Variants in NSMCE2 observed in about 807,000 individuals in gnomAD.
The protein encoded by NSMCE2 is NSE2 SUMO ligase component of SMC5/6 complex.
Under a neutral mutation model 23.8 loss-of-function variants are expected in NSMCE2, and 24 were observed. The ratio of observed to expected loss-of-function variants is 1.01; its 90% CI spans 0.73 to 1.42. The LOEUF is 1.42. NSMCE2 is among the 40% of genes most tolerant of loss of function. The pLI is 0.00. For missense variants in NSMCE2, 284 were observed against 296.5 expected (o/e 0.96, Z 0.31); for synonymous variants, 92 against 94.1 (o/e 0.98, Z 0.13).
intron 4 of NSMCE2, among the ~76,000 whole-genome samples, chr8:125,167,578 T>A (rs1239669995): frequency 6.6e-6 from 1 of 151,604 alleles, no homozygotes; most frequent in Admixed American, 6.6e-5. Flanking sequence ...TAGGTTGCAG[T>A]GAGCTGAGAT....
intron 5 of NSMCE2, among the ~76,000 whole-genome samples, chr8:125,196,364 C>A (rs1823619403): frequency 6.6e-6 from 1 of 152,092 alleles, no homozygotes; most frequent in Admixed American, 6.5e-5. Context: ...CACCCCTACT[C>A]CCTGACAAGC....
At chr8:125,102,212 T>TATTGGATAC (rs1162905417) in intron 2 of NSMCE2, 66 bp downstream of exon 2, 1 of 773,364 alleles carries the variant, frequency 1.3e-6, no homozygotes. Context: ...ATTTATGAGA[T>TATTGGATAC]ATTGGATACA....
chr8:125,105,162 G>A lies in NSMCE2; in HGVS notation c.157+2675G>A, dbSNP rs910185100. ...CCACAGCTATTGTTTCATATATTTT[G>A]TTTAGTTTTTCAGTCATTCATGGCA... On this transcript the variant is annotated intron_variant, in intron 3 of 7. Coordinates refer to ENST00000287437, the MANE Select transcript of NSMCE2 (RefSeq NM_173685.4). Among the ~76,000 whole-genome samples, 3 of 152,128 alleles carry A rather than the reference G, an allele frequency of 2.0e-5. No homozygotes were observed. In the East Asian group the frequency reaches 5.8e-4, roughly 29 times the overall value.
intron 4 of NSMCE2, among the ~76,000 whole-genome samples, chr8:125,164,489 T>C (rs1325808225): frequency 1.3e-5 from 2 of 152,228 alleles, no homozygotes; most frequent in Non-Finnish European, 2.9e-5. Context: ...TATTGTAAAT[T>C]TTCCAAAGGT....
intron 5 of NSMCE2, among the ~76,000 whole-genome samples, chr8:125,268,068 TAA>T (rs759319628): frequency 7.3e-5 from 10 of 136,454 alleles, no homozygotes; most frequent in Non-Finnish European, 1.1e-4. Flanking sequence ...CATCTCTATT[TAA>T]AAAAAAAAAA....
chr8:125,170,376 C>CTTTTTTTTTTTTTT lies in NSMCE2; in HGVS notation c.265-11701_265-11688dup, dbSNP rs565593006. ...CATCAATAAACCTTACTCTTTATTT[C>CTTTTTTTTTTTTTT]TTTTTTTTTTTTTTTTTTTTTTTTT... On this transcript the variant is annotated intron_variant, in intron 4 of 7. Coordinates refer to ENST00000287437, the MANE Select transcript of NSMCE2 (RefSeq NM_173685.4). Among the ~76,000 whole-genome samples the CTTTTTTTTTTTTTT allele has an allele frequency of 5.8e-4, 22 of 37,864 alleles. 6 individuals carry two copies. Among genetic ancestry groups the CTTTTTTTTTTTTTT allele is most frequent in the African/African-American group, 1.0e-3 (12 of 11,902 alleles). 24.8% of individuals were successfully genotyped at this position (37,864 alleles called of 152,430 possible).
At chr8:125,337,884 CAAAAAA>C (rs35658538) in intron 5 of NSMCE2, among the ~76,000 whole-genome samples, 2 of 97,376 alleles carry the variant, frequency 2.1e-5, no homozygotes, top group African/African-American at 4.0e-5. Flanking sequence ...AACTCTATCT[CAAAAAA>C]AAAAAAAAAA....
intron 3 of NSMCE2, among the ~76,000 whole-genome samples, chr8:125,141,698 G>T (rs911847098): frequency 6.6e-6 from 1 of 152,094 alleles, no homozygotes; most frequent in Non-Finnish European, 1.5e-5. Context: ...CTCTAATGTA[G>T]TCTCTGTGGA....
intron 5 of NSMCE2, among the ~76,000 whole-genome samples, chr8:125,260,816 G>A (rs914244225): frequency 6.6e-5 from 10 of 151,572 alleles, no homozygotes; most frequent in African/African-American, 2.2e-4. Flanking sequence ...TAGAGGTGAG[G>A]TTTCACCATG....
intron 5 of NSMCE2, among the ~76,000 whole-genome samples, chr8:125,221,160 A>G (rs1185896463): frequency 6.6e-6 from 1 of 152,186 alleles, no homozygotes; most frequent in African/African-American, 2.4e-5. Flanking sequence ...TAAATAACCA[A>G]CCATGTCAGG....
chr8:125,288,251 C>T (rs1827975525), intron 5 of NSMCE2, among the ~76,000 whole-genome samples: 1 of 152,214 alleles, frequency 6.6e-6, no homozygotes, highest in Admixed American at 6.5e-5. Flanking sequence ...GCTCCCTCAC[C>T]ATAATCCTGT....
rs1828057103 is a variant in NSMCE2 at position 125,290,251 on chromosome 8, A to ATTC, written c.419-66967_419-66966insTCT. Among the ~76,000 whole-genome samples, 16 of 152,328 alleles carry ATTC rather than the reference A, an allele frequency of 1.1e-4. No homozygotes were observed. In the South Asian group the frequency reaches 3.3e-3, roughly 32 times the overall value. On this transcript the variant is annotated intron_variant, in intron 5 of 7. Coordinates refer to ENST00000287437, the MANE Select transcript of NSMCE2 (RefSeq NM_173685.4). ...TATGTTAAAATCATATTAAGTAGAA[A>ATTC]TGTCTTAGTCAAAACGTGACTGAAA...
At chr8:125,123,323 A>T (rs910360288) in intron 3 of NSMCE2, among the ~76,000 whole-genome samples, 6 of 152,230 alleles carry the variant, frequency 3.9e-5, no homozygotes, top group African/African-American at 4.8e-5. Context: ...ACATTTTCTG[A>T]AGTTAGTTCC....
chr8:125,152,663 A>G (rs953832641), intron 4 of NSMCE2, among the ~76,000 whole-genome samples: 1 of 152,198 alleles, frequency 6.6e-6, no homozygotes, highest in Non-Finnish European at 1.5e-5. Flanking sequence ...TGTATATTAC[A>G]GATAAGAAAA....
chr8:125,366,412 T>C (rs1422781105), intron 7 of NSMCE2, among the ~76,000 whole-genome samples: 3 of 151,836 alleles, frequency 2.0e-5, no homozygotes, highest in Admixed American at 1.3e-4. Context: ...TGGTGGTGGG[T>C]GCCTGTAGTC....
intron 3 of NSMCE2, among the ~76,000 whole-genome samples, chr8:125,142,609 G>GTTT (rs879765827): frequency 4.8e-5 from 7 of 146,338 alleles, no homozygotes; most frequent in African/African-American, 1.7e-4. Context: ...TGTGTATTCA[G>GTTT]TTTTTTTTTT....
chr8:125,098,793 G>A (rs1231114776), intron 1 of NSMCE2, among the ~76,000 whole-genome samples: 1 of 151,786 alleles, frequency 6.6e-6, no homozygotes, highest in South Asian at 2.1e-4. Context: ...GAGTAGGTTT[G>A]GGGGAGGGGT....
At chr8:125,154,089 C>T (rs1347329853) in intron 4 of NSMCE2, among the ~76,000 whole-genome samples, 7 of 152,042 alleles carry the variant, frequency 4.6e-5, no homozygotes, top group African/African-American at 1.7e-4. Context: ...CCCATTTAAC[C>T]CACTGCTCTG....
intron 1 of NSMCE2, among the ~76,000 whole-genome samples, chr8:125,095,898 AAAAG>A (rs1817906341): frequency 6.6e-6 from 1 of 151,938 alleles, no homozygotes; most frequent in Non-Finnish European, 1.5e-5. Context: ...AAAAAAAAAA[AAAAG>A]AAAAGAAAAT....
Sources: gnomAD v4.1 joint callset for allele counts (sites outside exome capture counted in the v4.1 genomes callset) on GRCh38, gnomAD v4.1.1 for gene constraint, MANE v1.5 for transcripts, NCBI Gene and HGNC (gene_info 2026-07-23, HGNC 2026-07-21) for gene names.